The following VPS33A variants were observed in gnomAD, a reference collection of about 807,000 sequenced individuals.
The protein encoded by VPS33A is VPS33A core subunit of CORVET and HOPS complexes, also known as vacuolar protein sorting-associated protein 33A.
In VPS33A, 32 loss-of-function variants were observed where a neutral mutation model predicts 71.8. The observed-to-expected ratio is 0.45, with a 90% CI of 0.34 to 0.60. The LOEUF is 0.60. VPS33A is among the 20% of genes least tolerant of loss of function. VPS33A has a pLI of 0.02. For synonymous variants in VPS33A, 311 were observed against 292.7 expected, an observed-to-expected ratio of 1.06 and a Z score of -0.64; for missense variants, 625 against 748.5, an observed-to-expected ratio of 0.84 and a Z score of 1.92.
intron 4 of VPS33A, among the ~76,000 whole-genome samples, chr12:122,256,275 T>C (rs1456931935): frequency 6.6e-6 from 1 of 151,862 alleles, no homozygotes; most frequent in Non-Finnish European, 1.5e-5. Context: ...AGTATTTTAT[T>C]GGTAAGAAGA....
intron 4 of VPS33A, among the ~76,000 whole-genome samples, chr12:122,254,549 T>C (rs1440976451): frequency 6.6e-6 from 1 of 151,666 alleles, no homozygotes; most frequent in African/African-American, 2.4e-5. Flanking sequence ...ATTACAGGCA[T>C]GCACCACCAC....
At chr12:122,264,252 C>T (rs1420645393) in intron 1 of VPS33A, 53 bp from the exon 2 acceptor site, 6 of 1,361,174 alleles carry the variant, frequency 4.4e-6, no homozygotes, top group South Asian at 3.3e-5. Context: ...GGAATTTTAA[C>T]AATACCAATA....
In VPS33A at chr12:122,263,596, T is replaced by A. The variant is rs778508212; in HGVS notation, c.272A>T (p.Asp91Val). The A allele has an allele frequency of 2.5e-6, 4 of 1,610,806 alleles. No individual in the cohort carries two copies. Among genetic ancestry groups the A allele is most frequent in the Non-Finnish European group, 3.4e-6 (4 of 1,178,224 alleles). The change falls in exon 3 of 13, where the codon GAT (aspartate) becomes GTT (valine). Residue 91 changes from aspartate (D) to valine (V), a missense_variant. By Grantham distance (152) the Asp-to-Val change is radical. Coordinates refer to ENST00000267199, the MANE Select transcript of VPS33A (RefSeq NM_022916.6). ...CCTGAGCACGTTTTCAGCGATTATATCCATCAACTCTAGCCTGGGTCTGAC... is the reference window on the plus strand; with the variant it reads ...CCTGAGCACGTTTTCAGCGATTATAACCATCAACTCTAGCCTGGGTCTGAC... ...FFVRPRLELM[D>V]IIAENVLSED...
chr12:122,235,531 T>C (rs1294017911), intron 11 of VPS33A, among the ~76,000 whole-genome samples: 8 of 152,134 alleles, frequency 5.3e-5, no homozygotes, highest in Non-Finnish European at 7.4e-5. Context: ...CCCAAAGTGC[T>C]GGGATTATAG....
intron 2 of VPS33A, 88 bp from the exon 3 acceptor site, chr12:122,263,787 A>C (rs891234848): frequency 1.4e-6 from 2 of 1,404,252 alleles, no homozygotes; most frequent in Non-Finnish European, 1.9e-6. Flanking sequence ...ACCCCCAATC[A>C]AGTGCACATT....
rs1053024671 is a variant in VPS33A, at chr12:122,250,222, T to G, written c.601-177A>C. The G allele has an allele frequency of 1.6e-5, 10 of 617,874 alleles. No individual in the cohort carries two copies. In the African/African-American group the frequency reaches 1.9e-4, roughly 11 times the overall value. The allele number at this position is 617,874 out of a possible 1,614,324, so 38.3% of individuals were successfully genotyped here. ...TTGCTGTTGGCACCCATCCCGACAC[T>G]TGCACCAAGGCAGCTGCCATTTGCC... On this transcript the variant is annotated intron_variant, in intron 5 of 12. Coordinates refer to ENST00000267199, the MANE Select transcript of VPS33A (RefSeq NM_022916.6).
intron 3 of VPS33A, among the ~76,000 whole-genome samples, chr12:122,262,465 C>T (rs547834827): frequency 6.6e-6 from 1 of 152,308 alleles, no homozygotes; most frequent in South Asian, 2.1e-4. Context: ...CTCCTACTCT[C>T]CTTGACAGAG....
intron 3 of VPS33A, 40 bp from the exon 4 acceptor site, chr12:122,261,487 A>C (rs1457309206): frequency 1.2e-6 from 2 of 1,603,070 alleles, no homozygotes; most frequent in East Asian, 4.5e-5. Context: ...TGAGCTCCTA[A>C]GAGTCATGGA....
At chr12:122,255,747 C>T (rs1043537736) in intron 4 of VPS33A, among the ~76,000 whole-genome samples, 1 of 150,708 alleles carries the variant, frequency 6.6e-6, no homozygotes, top group Non-Finnish European at 1.5e-5. Context: ...AGAAAGTCCC[C>T]TGGTTATAGG....
rs911243905 is a variant in VPS33A, at chr12:122,250,820, T to C, written c.600+163A>G. The C allele has an allele frequency of 1.6e-6, 1 of 618,594 alleles. No individual in the cohort carries two copies. The highest frequency in any genetic ancestry group is 2.6e-5 in the East Asian group (1 of 37,772). 38.3% of individuals were successfully genotyped at this position (618,594 alleles called of 1,614,324 possible). A position where few individuals can be genotyped will look rare whatever the true frequency, so the allele number is the denominator to read the frequency against. On this transcript the variant is annotated intron_variant, in intron 5 of 12. Transcript: ENST00000267199. ...CGACAAAAGCACCATGAGTACTGAC[T>C]TGGAGGGTTATAAGTGCATTTTAAT...
chr12:122,238,698 G>A lies in VPS33A; in HGVS notation c.1191C>T (p.Ile397=), dbSNP rs151260098. 5.8e-5 allele frequency: 94 copies of A among 1,613,340 alleles called. No individual in the cohort carries two copies. In the African/African-American group the frequency reaches 1.1e-3, roughly 19 times the overall value. The change falls in exon 10 of 13, where the codon ATC becomes ATT. Residue 397 remains isoleucine (I), a synonymous_variant. Coordinates refer to ENST00000267199, the MANE Select transcript of VPS33A (RefSeq NM_022916.6). ...DKVNNYIEDC[I]AQKHSLIKVL... ...CCTTGATCAACGAGTGCTTTTGGGC[G>A]ATACAATCCTCAATGTAATTGTTGA...
At chr12:122,232,472 G>C in intron 12 of VPS33A, 45 bp from the exon 13 acceptor site, 1 of 1,531,186 alleles carries the variant, frequency 6.5e-7, no homozygotes. Context: ...TATTATTAAT[G>C]CTTCTCTTCC....
intron 9 of VPS33A, among the ~76,000 whole-genome samples, chr12:122,239,057 G>A (rs1400518660): frequency 6.6e-6 from 1 of 151,748 alleles, no homozygotes; most frequent in Non-Finnish European, 1.5e-5. Context: ...TGGAGCCCAA[G>A]GCCGCTGAGA....
chr12:122,235,637 A>G, intron 11 of VPS33A, 149 bp downstream of exon 11: 1 of 1,034,544 alleles, frequency 9.7e-7, no homozygotes, highest in Non-Finnish European at 1.4e-6. Flanking sequence ...ATTCTGATGG[A>G]TACAATACAT....
At chr12:122,242,319 G>T in intron 8 of VPS33A, 63 bp downstream of exon 8, 1 of 1,582,018 alleles carries the variant, frequency 6.3e-7, no homozygotes. Context: ...TGATGACCTA[G>T]GTGTCAAACG....
At chr12:122,239,014 CA>C (rs1184924543) in intron 9 of VPS33A, among the ~76,000 whole-genome samples, 5 of 151,614 alleles carry the variant, frequency 3.3e-5, no homozygotes, top group South Asian at 2.1e-4. Context: ...CACACACACA[CA>C]CACACACCCC....
At chr12:122,246,178 G>T (rs61954369) in intron 6 of VPS33A, among the ~76,000 whole-genome samples, 1 of 152,170 alleles carries the variant, frequency 6.6e-6, no homozygotes, top group African/African-American at 2.4e-5. Context: ...TCCAGGGAAA[G>T]AAAATAATCT....
At chr12:122,252,522 G>A (rs190565343) in intron 4 of VPS33A, among the ~76,000 whole-genome samples, 4 of 151,632 alleles carry the variant, frequency 2.6e-5, no homozygotes, top group Non-Finnish European at 5.9e-5. Context: ...CGCCCACCTC[G>A]GCCTCCCAAA....
chr12:122,251,284 C>G (rs1323457712), intron 4 of VPS33A, among the ~76,000 whole-genome samples, 185 bp from the exon 5 acceptor site: 1 of 152,238 alleles, frequency 6.6e-6, no homozygotes, highest in East Asian at 1.9e-4. Flanking sequence ...GGCGCTGAGG[C>G]TGGCAGCCCC....
Sources: allele counts gnomAD v4.1 joint callset (sites outside exome capture counted in the v4.1 genomes callset), GRCh38; gene constraint gnomAD v4.1.1; transcripts MANE v1.5; gene names NCBI Gene and HGNC (gene_info 2026-07-23, HGNC 2026-07-21).